The following RFXANK variants were observed in gnomAD, a reference collection of about 807,000 sequenced individuals.
RFXANK encodes the protein DNA-binding protein RFXANK.
Under a neutral mutation model 34.5 loss-of-function variants are expected in RFXANK, and 19 were observed. The observed-to-expected ratio is 0.55, with a 90% CI of 0.38 to 0.81. The LOEUF (loss-of-function observed/expected upper bound fraction) is 0.81, where lower values mean the gene tolerates loss of function less well. Ranked by LOEUF, RFXANK falls within the 30% of genes least tolerant of loss-of-function variation. RFXANK has a pLI of 0.00. For missense variants in RFXANK, 295 were observed against 343.5 expected (o/e 0.86, Z 1.12); for synonymous variants, 154 against 149.8 (o/e 1.03, Z -0.20).
chr19:19,194,690 A>ATT (rs75789359), intron 3 of RFXANK, among the ~76,000 whole-genome samples: 5 of 137,134 alleles, frequency 3.6e-5, no homozygotes, highest in East Asian at 2.1e-4. Context: ...CACCTGGCTA[A>ATT]TTTTTTTTTT....
intron 2 of RFXANK, among the ~76,000 whole-genome samples, chr19:19,193,399 T>A (rs1043515979): frequency 6.6e-6 from 1 of 150,602 alleles, no homozygotes; most frequent in Non-Finnish European, 1.5e-5. Flanking sequence ...GAGCCCCGGC[T>A]TTTTTTTCCT....
At position 19,194,057 on chromosome 19, in the gene RFXANK, T is replaced by C. The variant is rs777645504; in HGVS notation, c.111T>C (p.Thr37=). 5 of 1,614,002 alleles carry C rather than the reference T, an allele frequency of 3.1e-6. No homozygotes were observed. Among genetic ancestry groups the C allele is most frequent in the Middle Eastern group, 1.6e-4 (1 of 6,084 alleles). The change falls in exon 3 of 10, where the codon ACT becomes ACC. Residue 37 remains threonine (T), a synonymous_variant. Transcript: ENST00000303088. ...PGEEAADGSD[T]VVLSLFPCTP... is the part of the protein sequence containing the mutation. ...AGGAGGCTGCAGATGGCTCAGACAC[T>C]GTGGTCCTCAGTCTCTTTCCCTGCA... is the stretch of plus-strand genomic sequence containing the variant.
At chr19:19,197,395 C>T in intron 5 of RFXANK, 126 bp from the exon 6 acceptor site, 2 of 1,182,958 alleles carry the variant, frequency 1.7e-6, no homozygotes, top group Non-Finnish European at 2.5e-6. Flanking sequence ...TCATGTATGT[C>T]CATCAACATA....
At chr19:19,199,314 T>C in intron 9 of RFXANK, 80 bp downstream of exon 9, 3 of 1,326,592 alleles carry the variant, frequency 2.3e-6, no homozygotes, top group Non-Finnish European at 3.3e-6. Flanking sequence ...GGGACACCCC[T>C]TCAGTGGTCA....
In RFXANK at chr19:19,198,690, G is replaced by A. The variant is rs748578827; in HGVS notation, c.598G>A (p.Gly200Arg). The A allele has an allele frequency of 9.3e-6, 15 of 1,613,934 alleles. No individual in the cohort carries two copies. Among genetic ancestry groups the A allele is most frequent in the Middle Eastern group, 1.6e-4 (1 of 6,062 alleles). ...GGTPLLYAVR[G>R]NHVKCVEALL... The stretch of plus-strand genomic sequence containing the variant: ...GACGCCACTGCTGTACGCTGTGCGC[G>A]GGAACCACGTGAAATGCGTTGAGGC... Residue 200 changes from glycine (G) to arginine (R), a missense_variant, in exon 8 of 10, where the codon GGG becomes AGG. Gly to Arg is a moderately radical substitution (Grantham distance 125, BLOSUM62 -2). Transcript: ENST00000303088.
rs150199696 is a variant in RFXANK at position 19,198,229 on chromosome 19, T to C, written c.561T>C (p.Asp187=). 1.5e-5 allele frequency: 25 copies of C among 1,613,940 alleles called. No homozygotes were observed. The highest frequency in any genetic ancestry group is 1.3e-4 in the East Asian group (6 of 44,888). The change falls in exon 7 of 10, where the codon GAT becomes GAC. Residue 187 remains aspartate (D), a synonymous_variant. Coordinates refer to ENST00000303088, the MANE Select transcript of RFXANK (RefSeq NM_003721.4). ...LERDVDINIY[D]WNGGTPLLYA... is the part of the protein sequence containing the mutation. Reference sequence around the variant, plus strand: ...GTGACGTGGACATCAACATCTATGATTGGGTGAGGGACTGCCCATCCCCAG... The same window carrying C: ...GTGACGTGGACATCAACATCTATGACTGGGTGAGGGACTGCCCATCCCCAG...
chr19:19,198,756 C>T (rs1430737242), intron 8 of RFXANK, 33 bp downstream of exon 8: 5 of 1,607,416 alleles, frequency 3.1e-6, no homozygotes, highest in South Asian at 2.2e-5. Flanking sequence ...CCTGGGGGCC[C>T]CAGCACTCCA....
rs891199783 is a variant in RFXANK, at chr19:19,192,959, G to C, written c.-149-1G>C. The stretch of plus-strand genomic sequence containing the variant: ...TATCAAGTTGCTTTCTGTCCCGGCA[G>C]AGGAAGCCAGATCGCTGAGGGTCCG... On this transcript the variant is annotated splice_acceptor_variant, in intron 1 of 9. Transcript: ENST00000303088. LOFTEE classifies it low-confidence loss of function (5UTR_SPLICE). 1 of 152,426 alleles carries C rather than the reference G, an allele frequency of 6.6e-6. No homozygotes were observed. The highest frequency in any genetic ancestry group is 2.4e-5 in the African/African-American group (1 of 41,470). 9.4% of individuals were successfully genotyped at this position (152,426 alleles called of 1,614,324 possible). A position where few individuals can be genotyped will look rare whatever the true frequency, so the allele number is the denominator to read the frequency against.
chr19:19,197,915 G>A (rs1406409715), intron 6 of RFXANK, among the ~76,000 whole-genome samples, 192 bp from the exon 7 acceptor site: 1 of 152,078 alleles, frequency 6.6e-6, no homozygotes, highest in Non-Finnish European at 1.5e-5. Flanking sequence ...TGGAGGCTGA[G>A]GTGGGAGAAC....
intron 7 of RFXANK, 31 bp from the exon 8 acceptor site, chr19:19,198,626 C>G (rs1276265745): frequency 6.2e-7 from 1 of 1,610,916 alleles, no homozygotes; most frequent in Non-Finnish European, 8.5e-7. Context: ...AGAGGTAAAC[C>G]TTTGGTTTCT....
At chr19:19,195,177 G>C (rs983353318) in intron 3 of RFXANK, among the ~76,000 whole-genome samples, 2 of 144,164 alleles carry the variant, frequency 1.4e-5, no homozygotes, top group African/African-American at 5.2e-5. Context: ...TCCTGCTTCA[G>C]CCTCCCGAGT....
intron 3 of RFXANK, among the ~76,000 whole-genome samples, chr19:19,196,518 C>T (rs1244631630): frequency 1.3e-5 from 2 of 150,354 alleles, no homozygotes; most frequent in African/African-American, 4.9e-5. Flanking sequence ...ACTGTGATCA[C>T]ACCACCGCAC....
In RFXANK at chr19:19,196,944, CCTGTTGT is replaced by C. The variant is rs2060609355; in HGVS notation, c.188-13_188-7del. Reference sequence around the variant, plus strand: ...GACATCTACTGAGGGGAAACTGACGCCTGTTGTCTGTTTCCCAGCAGGCAGCTCCCTG... The same window carrying C: ...GACATCTACTGAGGGGAAACTGACGCCTGTTTCCCAGCAGGCAGCTCCCTG... On this transcript the variant is annotated splice_polypyrimidine_tract_variant and intron_variant, in intron 3 of 9. Transcript: ENST00000303088. 1 of 1,605,386 alleles carries C rather than the reference CCTGTTGT, an allele frequency of 6.2e-7. No individual in the cohort carries two copies. Among genetic ancestry groups the C allele is most frequent in the Non-Finnish European group, 8.5e-7 (1 of 1,176,476 alleles).
chr19:19,197,765 T>C, intron 6 of RFXANK, 144 bp downstream of exon 6: 1 of 779,270 alleles, frequency 1.3e-6, no homozygotes, highest in South Asian at 1.6e-5. Flanking sequence ...TCCCAGCACT[T>C]TGGGAGGCCG....
At chr19:19,199,274 CA>C in intron 9 of RFXANK, 40 bp downstream of exon 9, 2 of 1,595,392 alleles carry the variant, frequency 1.3e-6, no homozygotes, top group Non-Finnish European at 1.7e-6. Context: ...GGGTCCCTTC[CA>C]TAGGCAGGGT....
chr19:19,200,788 ATTT>A (rs71170606), intron 9 of RFXANK: 11 of 84,600 alleles, frequency 1.3e-4, no homozygotes, highest in South Asian at 1.1e-3. Context: ...CACCTGGCTA[ATTT>A]TTTTTTTTTT....
intron 2 of RFXANK, among the ~76,000 whole-genome samples, chr19:19,193,385 C>G (rs559068543): frequency 1.1e-4 from 16 of 151,576 alleles, no homozygotes; most frequent in Non-Finnish European, 2.1e-4. Flanking sequence ...GACAGCTGAC[C>G]CCAGAGCCCC....
intron 8 of RFXANK, chr19:19,198,949 C>T (rs1367071127): frequency 1.3e-6 from 1 of 751,610 alleles, no homozygotes; most frequent in African/African-American, 1.7e-5. Flanking sequence ...CCTCCATCCT[C>T]CATGGTTCAG....
At chr19:19,198,381 C>G in intron 7 of RFXANK, 149 bp downstream of exon 7, 1 of 1,303,098 alleles carries the variant, frequency 7.7e-7, no homozygotes, top group Non-Finnish European at 1.1e-6. Context: ...GCAGAGCTCC[C>G]CATGCAGGGA....
Sources: allele counts gnomAD v4.1 joint callset (sites outside exome capture counted in the v4.1 genomes callset), GRCh38; gene constraint gnomAD v4.1.1; transcripts MANE v1.5; gene names NCBI Gene and HGNC (gene_info 2026-07-23, HGNC 2026-07-21).